Variants in COMMD1 observed in about 807,000 individuals in gnomAD.
The protein encoded by COMMD1 is COMM domain-containing protein 1.
COMMD1 carries 10 observed loss-of-function variants against 17.2 expected under a neutral mutation model. The observed-to-expected ratio is 0.58, with a 90% CI of 0.36 to 0.99. The LOEUF is 0.99. Ranked by LOEUF, COMMD1 falls within the 50% of genes least tolerant of loss-of-function variation. The pLI is 0.01. For synonymous variants in COMMD1, 97 were observed against 91.6 expected, an observed-to-expected ratio of 1.06 and a Z score of -0.34; for missense variants, 270 against 231.8, an observed-to-expected ratio of 1.17 and a Z score of -1.07.
intron 2 of COMMD1, among the ~76,000 whole-genome samples, chr2:62,024,420 A>G (rs1313511268): frequency 6.6e-6 from 1 of 152,156 alleles, no homozygotes; most frequent in Non-Finnish European, 1.5e-5. Flanking sequence ...AGTAAATTCC[A>G]TTATAATATA....
chr2:62,103,002 G>A (rs112616120), intron 2 of COMMD1, among the ~76,000 whole-genome samples: 2,377 of 146,394 alleles, frequency 0.016, 48 homozygotes, highest in East Asian at 0.085. Flanking sequence ...TTTTTGAGAC[G>A]GAGGCTCGCT....
At chr2:61,920,981 A>ATTTT (rs61439372) in intron 1 of COMMD1, among the ~76,000 whole-genome samples, 154 of 141,386 alleles carry the variant, frequency 1.1e-3, no homozygotes, top group African/African-American at 3.7e-3. Flanking sequence ...ATATATATAT[A>ATTTT]TTTTTTTTTT....
At chr2:61,973,696 A>T (rs1418853073) in intron 1 of COMMD1, among the ~76,000 whole-genome samples, 1 of 152,094 alleles carries the variant, frequency 6.6e-6, no homozygotes, top group Non-Finnish European at 1.5e-5. Context: ...TGTCAGTAGT[A>T]TTTTGCTTTT....
At chr2:62,131,020 A>G (rs1673016066) in intron 2 of COMMD1, among the ~76,000 whole-genome samples, 1 of 152,198 alleles carries the variant, frequency 6.6e-6, no homozygotes, top group African/African-American at 2.4e-5. Flanking sequence ...TTCATTAGGA[A>G]TATGTGAGAT....
intron 2 of COMMD1, among the ~76,000 whole-genome samples, chr2:62,052,345 GATTAAA>G (rs1304576262): frequency 1.3e-5 from 2 of 152,032 alleles, no homozygotes; most frequent in Non-Finnish European, 1.5e-5. Flanking sequence ...TAAATAAATA[GATTAAA>G]ATTAAAAGAA....
chr2:62,094,489 T>C (rs1247675425), intron 2 of COMMD1, among the ~76,000 whole-genome samples: 2 of 152,244 alleles, frequency 1.3e-5, no homozygotes, highest in East Asian at 1.9e-4. Flanking sequence ...TTGTTGTCGT[T>C]GTTGTTTTAC....
chr2:62,096,324 A>G (rs371510818), intron 2 of COMMD1, among the ~76,000 whole-genome samples: 29 of 152,254 alleles, frequency 1.9e-4, no homozygotes, highest in African/African-American at 4.8e-4. Flanking sequence ...GATGATCTTT[A>G]TCAGCAGAAC....
intron 2 of COMMD1, among the ~76,000 whole-genome samples, chr2:62,018,359 T>TA (rs754844644): frequency 4.6e-5 from 7 of 152,170 alleles, no homozygotes; most frequent in Non-Finnish European, 1.0e-4. Flanking sequence ...TTTGTCAAAA[T>TA]AAAAAACTAA....
intron 2 of COMMD1, among the ~76,000 whole-genome samples, chr2:62,071,717 C>T (rs889869762): frequency 6.6e-6 from 1 of 152,180 alleles, no homozygotes; most frequent in Non-Finnish European, 1.5e-5. Context: ...ACCCCATGAT[C>T]GACTGAGCAG....
intron 2 of COMMD1, among the ~76,000 whole-genome samples, chr2:62,102,449 C>T (rs893925361): frequency 6.6e-6 from 1 of 152,150 alleles, no homozygotes; most frequent in African/African-American, 2.4e-5. Context: ...TTCTGTGTCA[C>T]TTGGACTGTC....
chr2:61,904,535 T>G (rs1204688704), upstream of COMMD1, among the ~76,000 whole-genome samples: 2 of 152,198 alleles, frequency 1.3e-5, no homozygotes, highest in Non-Finnish European at 2.9e-5. Flanking sequence ...TTTGTAGAAG[T>G]CACAGGTGGT....
intron 1 of COMMD1, among the ~76,000 whole-genome samples, 159 bp from the exon 2 acceptor site, chr2:62,000,542 T>C (rs999789917): frequency 1.3e-5 from 2 of 152,178 alleles, no homozygotes; most frequent in African/African-American, 4.8e-5. Flanking sequence ...TGATCTCACC[T>C]CTGCCTCCCA....
At chr2:61,993,099 TAGTC>T (rs767784901) in intron 1 of COMMD1, among the ~76,000 whole-genome samples, 1 of 152,142 alleles carries the variant, frequency 6.6e-6, no homozygotes, top group Non-Finnish European at 1.5e-5. Flanking sequence ...AAGCAAGTAA[TAGTC>T]AGCCATGGGA....
At chr2:61,927,957 G>T (rs1323478572) in intron 1 of COMMD1, among the ~76,000 whole-genome samples, 1 of 151,932 alleles carries the variant, frequency 6.6e-6, no homozygotes, top group African/African-American at 2.4e-5. Context: ...TAGAGATGGG[G>T]TTTCATCATA....
chr2:61,999,444 A>G (rs1330989615), intron 1 of COMMD1, among the ~76,000 whole-genome samples: 1 of 152,252 alleles, frequency 6.6e-6, no homozygotes. Context: ...GCTAAGATAA[A>G]TACATTCACT....
chr2:62,090,101 AT>A (rs1242566589), intron 2 of COMMD1, among the ~76,000 whole-genome samples: 2 of 152,168 alleles, frequency 1.3e-5, no homozygotes, highest in African/African-American at 4.8e-5. Context: ...TAAAAAAAAA[AT>A]CCCAGGTCAT....
chr2:61,907,654 C>T (rs990649155), intron 1 of COMMD1, among the ~76,000 whole-genome samples: 2 of 152,062 alleles, frequency 1.3e-5, no homozygotes, highest in Admixed American at 6.6e-5. Context: ...GATAAAACAG[C>T]AGGATACCCA....
chr2:61,972,663 C>G (rs149719290), intron 1 of COMMD1, among the ~76,000 whole-genome samples: 167 of 152,276 alleles, frequency 1.1e-3, no homozygotes, highest in Non-Finnish European at 1.9e-3. Flanking sequence ...TAACCTTTGT[C>G]TAACCAGGAG....
rs141585361 is a variant in COMMD1, at chr2:61,925,308, C to T, written c.180+19450C>T. The stretch of plus-strand genomic sequence containing the variant: ...GACGAGAGGGAGACCTGAGGTCAGG[C>T]GAGGAAGTTTACTAACCTGCCGGCT... On this transcript the variant is annotated intron_variant, in intron 1 of 2. Coordinates refer to ENST00000311832, the MANE Select transcript of COMMD1 (RefSeq NM_152516.4). Among the ~76,000 whole-genome samples the T allele has an allele frequency of 5.1e-4, 78 of 151,944 alleles. 1 individual carries two copies. The East Asian group carries it at 0.012, about 23-fold the overall frequency.
Sources: gnomAD v4.1 joint callset for allele counts (sites outside exome capture counted in the v4.1 genomes callset) on GRCh38, gnomAD v4.1.1 for gene constraint, MANE v1.5 for transcripts, NCBI Gene and HGNC (gene_info 2026-07-23, HGNC 2026-07-21) for gene names.